ESR1: variants seen among roughly 807,000 people sequenced by gnomAD.
ESR1 encodes the protein estrogen receptor 1.
ESR1 carries 12 observed loss-of-function variants against 52.7 expected under a neutral mutation model. The ratio of observed to expected loss-of-function variants is 0.23; its 90% CI spans 0.15 to 0.37. ESR1 has a LOEUF of 0.37. Among genes scored for constraint, ESR1 ranks in the 10% least tolerant of loss-of-function variants. ESR1 has a pLI of 1.00. For synonymous variants in ESR1, 305 were observed against 316.8 expected (o/e 0.96, Z 0.39); for missense variants, 584 against 779.7 (o/e 0.75, Z 2.99).
chr6:151,770,981 A>G (rs1036629272), intron 2 of ESR1, among the ~76,000 whole-genome samples: 5 of 152,242 alleles, frequency 3.3e-5, no homozygotes, highest in African/African-American at 4.8e-5. Context: ...AGACATATAA[A>G]GAAAGCACCT....
At chr6:151,951,556 T>G (rs1232617492) in intron 4 of ESR1, among the ~76,000 whole-genome samples, 1 of 152,216 alleles carries the variant, frequency 6.6e-6, no homozygotes, top group African/African-American at 2.4e-5. Flanking sequence ...AGATAAAAGA[T>G]AGAAATCTAT....
intron 2 of ESR1, among the ~76,000 whole-genome samples, chr6:151,779,029 C>G (rs2128119060): frequency 6.6e-6 from 1 of 152,070 alleles, no homozygotes; most frequent in South Asian, 2.1e-4. Context: ...AAATTTTTCT[C>G]CCATTCTGTA....
chr6:152,029,937 G>T (rs1167651935), intron 5 of ESR1, among the ~76,000 whole-genome samples: 1 of 152,224 alleles, frequency 6.6e-6, no homozygotes, highest in Non-Finnish European at 1.5e-5. Context: ...ACTAACAGCG[G>T]ATCTCTTGGC....
intron 2 of ESR1, among the ~76,000 whole-genome samples, chr6:151,877,666 C>G (rs1438237050): frequency 6.6e-6 from 1 of 152,180 alleles, no homozygotes; most frequent in South Asian, 2.1e-4. Context: ...GCCAACTGGT[C>G]TCTGACCCAA....
chr6:151,660,207 A>C (rs1777592217), intron 1 of ESR1, among the ~76,000 whole-genome samples: 1 of 152,214 alleles, frequency 6.6e-6, no homozygotes, highest in Non-Finnish European at 1.5e-5. Flanking sequence ...TGGTAACTTC[A>C]GTGAATACAG....
In ESR1 at chr6:151,905,677, G is replaced by C. The variant is rs9340876; in HGVS notation, c.760+24906G>C. 3.0e-4 allele frequency among the ~76,000 whole-genome samples: 45 copies of C among 152,212 alleles called. No homozygotes were observed. The East Asian group carries it at 7.5e-3, about 25-fold the overall frequency. ...TTGGTTTAAAGTAAGATGTTCAGCT[G>C]CTCTTAGAGTTTATTTCTCCATATT... On this transcript the variant is annotated intron_variant, in intron 3 of 7. Transcript: ENST00000206249.
intron 6 of ESR1, among the ~76,000 whole-genome samples, chr6:152,093,557 G>T (rs893420627): frequency 6.6e-6 from 1 of 152,028 alleles, no homozygotes; most frequent in Non-Finnish European, 1.5e-5. Context: ...TTATTTTCTG[G>T]CTTGAGGCTG....
At chr6:151,990,741 C>T (rs905278982) in intron 4 of ESR1, among the ~76,000 whole-genome samples, 5 of 152,106 alleles carry the variant, frequency 3.3e-5, no homozygotes, top group Admixed American at 1.3e-4. Flanking sequence ...CACACAATAA[C>T]GAAATGACGT....
intron 2 of ESR1, among the ~76,000 whole-genome samples, chr6:151,870,537 C>A (rs944901574): frequency 6.6e-6 from 1 of 152,206 alleles, no homozygotes; most frequent in Admixed American, 6.5e-5. Flanking sequence ...ATGCGACAGA[C>A]CTGGATTTAA....
chr6:151,656,974 A>G (rs961440398), intron 1 of ESR1, among the ~76,000 whole-genome samples: 1 of 152,182 alleles, frequency 6.6e-6, no homozygotes, highest in Non-Finnish European at 1.5e-5. Flanking sequence ...GACTTCATAC[A>G]TGGTGTGGAG....
At chr6:152,119,355 A>G in intron 6 of ESR1, among the ~76,000 whole-genome samples, 1 of 151,004 alleles carries the variant, frequency 6.6e-6, no homozygotes, top group East Asian at 2.0e-4. Context: ...ATTTTCCAGG[A>G]GGGACATTCC....
Position 151,808,369 on chromosome 6 carries a change from C to T in ESR1, c.452+5C>T, listed in dbSNP as rs1778206468. 1 of 1,469,454 alleles carries T rather than the reference C, an allele frequency of 6.8e-7. No individual in the cohort carries two copies. The highest frequency in any genetic ancestry group is 9.0e-7 in the Non-Finnish European group (1 of 1,117,024). 91.0% of individuals were successfully genotyped at this position (1,469,454 alleles called of 1,614,324 possible). A position where few individuals can be genotyped will look rare whatever the true frequency, so the allele number is the denominator to read the frequency against. ...CGGCCCGCCGGCATTCTACAGGTAC[C>T]CGCGCCCGCGCCGCCCGTCGGGGTG... On this transcript the variant is annotated splice_donor_5th_base_variant and intron_variant, in intron 1 of 7. Coordinates refer to ENST00000206249, the MANE Select transcript of ESR1 (RefSeq NM_000125.4).
chr6:151,902,070 C>T lies in ESR1; in HGVS notation c.760+21299C>T, dbSNP rs117397048. Among the ~76,000 whole-genome samples, 17 of 152,310 alleles carry T rather than the reference C, an allele frequency of 1.1e-4. No individual in the cohort carries two copies. In the East Asian group the frequency reaches 3.3e-3, roughly 29 times the overall value. On this transcript the variant is annotated intron_variant, in intron 3 of 7. Coordinates refer to ENST00000206249, the MANE Select transcript of ESR1 (RefSeq NM_000125.4). ...CCAAGCCAAATCCAAACTTCTTGGC[C>T]TAAATCATTTACAGATAACCTTTAC...
At chr6:151,686,669 C>A (rs1582890723), upstream of ESR1, among the ~76,000 whole-genome samples, 1 of 151,214 alleles carries the variant, frequency 6.6e-6, no homozygotes, top group East Asian at 2.0e-4. Flanking sequence ...GCCTGGGTGA[C>A]AGAGCAAGAC....
At chr6:152,079,583 G>A (rs2049025245) in intron 6 of ESR1, among the ~76,000 whole-genome samples, 1 of 152,174 alleles carries the variant, frequency 6.6e-6, no homozygotes. Context: ...CGCCTCTTCT[G>A]CTCCAAAGGA....
chr6:151,984,065 G>T (rs2040229473), intron 4 of ESR1: 1 of 152,080 alleles, frequency 6.6e-6, no homozygotes, highest in Non-Finnish European at 1.5e-5. Flanking sequence ...CAACTCACAG[G>T]CAAGAACAGC....
At chr6:151,851,485 C>T (rs1786694019) in intron 2 of ESR1, among the ~76,000 whole-genome samples, 2 of 148,874 alleles carry the variant, frequency 1.3e-5, no homozygotes, top group Non-Finnish European at 3.0e-5. Context: ...TTTAGCAACA[C>T]AAAAACATTA....
intron 2 of ESR1, among the ~76,000 whole-genome samples, chr6:151,866,795 C>T (rs1208568576): frequency 1.3e-5 from 2 of 152,118 alleles, no homozygotes; most frequent in Non-Finnish European, 2.9e-5. Flanking sequence ...CATACGTGTG[C>T]GTGTGTTTTT....
intron 2 of ESR1, among the ~76,000 whole-genome samples, chr6:151,860,470 T>G (rs1270815053): frequency 6.6e-6 from 1 of 152,150 alleles, no homozygotes; most frequent in Non-Finnish European, 1.5e-5. Flanking sequence ...ATAGTGTGTG[T>G]GATATATATA....
Sources: allele counts gnomAD v4.1 joint callset (sites outside exome capture counted in the v4.1 genomes callset), GRCh38; gene constraint gnomAD v4.1.1; transcripts MANE v1.5; gene names NCBI Gene and HGNC (gene_info 2026-07-23, HGNC 2026-07-21).